TUBGCP3: variants seen among roughly 807,000 people sequenced by gnomAD.
The protein encoded by TUBGCP3 is tubulin gamma complex component 3.
Under a neutral mutation model 123.1 loss-of-function variants are expected in TUBGCP3, and 50 were observed. The observed-to-expected ratio is 0.41, with a 90% CI of 0.32 to 0.51. The LOEUF (loss-of-function observed/expected upper bound fraction) is 0.51. TUBGCP3 is among the 20% of genes least tolerant of loss of function. The probability of loss-of-function intolerance (pLI) is 0.36; values close to 1 mark genes in which losing one functional copy is unlikely to be tolerated. For missense variants in TUBGCP3, 882 were observed against 1,127.0 expected (o/e 0.78, Z 3.11); for synonymous variants, 405 against 413.9 (o/e 0.98, Z 0.26).
At chr13:112,494,962 G>A (rs774409785) in intron 20 of TUBGCP3, among the ~76,000 whole-genome samples, 2 of 152,246 alleles carry the variant, frequency 1.3e-5, no homozygotes, top group South Asian at 4.1e-4. Flanking sequence ...TATATATTCT[G>A]GTTATCAATC....
intron 11 of TUBGCP3, among the ~76,000 whole-genome samples, chr13:112,529,550 G>C (rs1391458801): frequency 2.6e-5 from 4 of 152,094 alleles, no homozygotes; most frequent in African/African-American, 9.7e-5. Flanking sequence ...ATGTGGGGAG[G>C]GGGAGCCTCT....
upstream of TUBGCP3, among the ~76,000 whole-genome samples, chr13:112,589,519 G>T (rs533944083): frequency 6.6e-6 from 1 of 152,372 alleles, no homozygotes; most frequent in East Asian, 1.9e-4. Context: ...GCATTAATTA[G>T]AGCCTGTCAG....
rs117253847 is a variant in TUBGCP3 at position 112,555,443 on chromosome 13, G to A, written c.722-438C>T. On this transcript the variant is annotated intron_variant, in intron 6 of 21. Coordinates refer to ENST00000261965, the MANE Select transcript of TUBGCP3 (RefSeq NM_006322.6). ...TAATCAGCAGATTACGAGCCAACAG[G>A]GAAACCCAATCCTCTGTTTTCAGGA... 4.7e-4 allele frequency among the ~76,000 whole-genome samples: 72 copies of A among 152,280 alleles called. No homozygotes were observed. In the East Asian group the frequency reaches 0.01, roughly 22 times the overall value.
chr13:112,547,636 T>C lies in TUBGCP3; in HGVS notation c.1152A>G (p.Leu384=). 1 of 1,553,816 alleles carries C rather than the reference T, an allele frequency of 6.4e-7. No individual in the cohort carries two copies. The highest frequency in any genetic ancestry group is 8.7e-7 in the Non-Finnish European group (1 of 1,146,254). Residue 384 remains leucine, a synonymous_variant, in exon 10 of 22, where the codon CTA becomes CTG. Transcript: ENST00000261965. The part of the protein sequence containing the change: ...PKIRLKTLAA[L]VDHCQGRKGG... Reference sequence around the variant, plus strand: ...GCGTGGGACCTTGGCAGTGGTCCACTAGGGCCGCAAGGGTCTTCAGTCGTA... The same window carrying C: ...GCGTGGGACCTTGGCAGTGGTCCACCAGGGCCGCAAGGGTCTTCAGTCGTA...
chr13:112,554,785 G>T (rs368160252), intron 7 of TUBGCP3, 102 bp downstream of exon 7: 22 of 783,424 alleles, frequency 2.8e-5, no homozygotes, highest in African/African-American at 1.0e-4. Context: ...CAACCGATTC[G>T]CAAAACCCCA....
Position 112,511,281 on chromosome 13 carries a change from T to A in TUBGCP3, c.2086+5159A>T, listed in dbSNP as rs1185614861. 6.6e-6 allele frequency among the ~76,000 whole-genome samples: 1 copy of A among 152,208 alleles called. No homozygotes were observed. The highest frequency in any genetic ancestry group is 1.5e-5 in the Non-Finnish European group (1 of 68,032). On this transcript the variant is annotated intron_variant, in intron 17 of 21. Transcript: ENST00000261965. This position sits in a 1 kb window ranked among gnomAD's most constrained non-coding sequence, Gnocchi z 4.1. ...CTGGCCCGCGGGCACCTGCCTTTCC[T>A]GGTAAGATAAAATCTGCGGTGCTGC...
chr13:112,500,199 G>A (rs1292609682), intron 19 of TUBGCP3, among the ~76,000 whole-genome samples: 1 of 152,204 alleles, frequency 6.6e-6, no homozygotes, highest in African/African-American at 2.4e-5. Context: ...AATTTCAATA[G>A]TGCAGAAGAA....
chr13:112,528,935 T>C (rs1351662338), intron 11 of TUBGCP3, among the ~76,000 whole-genome samples: 1 of 152,150 alleles, frequency 6.6e-6, no homozygotes, highest in Non-Finnish European at 1.5e-5. Context: ...CACTGCAACG[T>C]CTGCCTCCCC....
At chr13:112,503,619 C>T (rs1444892422) in intron 19 of TUBGCP3, among the ~76,000 whole-genome samples, 1 of 152,168 alleles carries the variant, frequency 6.6e-6, no homozygotes, top group Admixed American at 6.5e-5. Flanking sequence ...CCACCCGCCT[C>T]GGCCTCCCAA....
At chr13:112,488,751 C>G (rs1203688530) in intron 21 of TUBGCP3, among the ~76,000 whole-genome samples, 1 of 139,944 alleles carries the variant, frequency 7.1e-6, no homozygotes, top group Non-Finnish European at 1.6e-5. Flanking sequence ...CCACACCCAC[C>G]ACAGGGGAGC....
intron 17 of TUBGCP3, among the ~76,000 whole-genome samples, chr13:112,516,068 G>A (rs886983945): frequency 2.6e-5 from 4 of 151,960 alleles, no homozygotes; most frequent in Admixed American, 2.6e-4. Context: ...TTGACTATCT[G>A]ATACCTAAGA....
At chr13:112,549,518 G>T (rs953904389) in intron 8 of TUBGCP3, among the ~76,000 whole-genome samples, 3 of 152,018 alleles carry the variant, frequency 2.0e-5, no homozygotes, top group Admixed American at 6.6e-5. Context: ...AATTAAAAAA[G>T]ATTATATCCC....
chr13:112,559,965 T>C (rs1022746476), intron 3 of TUBGCP3, among the ~76,000 whole-genome samples: 5 of 151,666 alleles, frequency 3.3e-5, no homozygotes, highest in African/African-American at 9.7e-5. Flanking sequence ...CGAAACCCCA[T>C]CTCTACTAAA....
Position 112,560,386 on chromosome 13 carries a change from C to T in TUBGCP3, c.253-987G>A, listed in dbSNP as rs1054253209. ...CGGAGCTTGCAGTGAGCCGAGATCC[C>T]GCCACTGCACTCCAGCCTGGGCGAC... is the stretch of plus-strand genomic sequence containing the variant. On this transcript the variant is annotated intron_variant, in intron 3 of 21. Transcript: ENST00000261965. 6.3e-3 allele frequency among the ~76,000 whole-genome samples: 947 copies of T among 150,760 alleles called. 9 individuals carry two copies. The highest frequency in any genetic ancestry group is 0.022 in the African/African-American group (887 of 41,024).
At chr13:112,575,289 C>G (rs116673139) in intron 1 of TUBGCP3, among the ~76,000 whole-genome samples, 127 of 152,268 alleles carry the variant, frequency 8.3e-4, no homozygotes, top group African/African-American at 3.0e-3. Context: ...AAACACTATT[C>G]AAAGAACGTG....
chr13:112,536,855 T>C (rs1215374625), intron 11 of TUBGCP3, among the ~76,000 whole-genome samples: 1 of 152,132 alleles, frequency 6.6e-6, no homozygotes, highest in African/African-American at 2.4e-5. Flanking sequence ...CACTGCAGCC[T>C]CAACCTCTTG....
chr13:112,557,558 T>C (rs532158468), intron 5 of TUBGCP3, among the ~76,000 whole-genome samples: 1 of 152,380 alleles, frequency 6.6e-6, no homozygotes, highest in East Asian at 1.9e-4. Context: ...CCCGTTTATC[T>C]ACATATAGGA....
chr13:112,499,267 A>G lies in TUBGCP3; in HGVS notation c.2308-82T>C, dbSNP rs552305911. The G allele has an allele frequency of 1.4e-5, 20 of 1,475,560 alleles. No individual in the cohort carries two copies. The African/African-American group carries it at 2.8e-4, about 21-fold the overall frequency. 91.4% of individuals were successfully genotyped at this position (1,475,560 alleles called of 1,614,324 possible). On this transcript the variant is annotated intron_variant, in intron 19 of 21. Transcript: ENST00000261965. ...CAAAACATTGATATTTAGTGAAAAG[A>G]TATTAGAAAACAAGATATCAACTGA...
chr13:112,522,589 C>T, intron 13 of TUBGCP3, 80 bp from the exon 14 acceptor site: 1 of 1,429,818 alleles, frequency 7.0e-7, no homozygotes, highest in Non-Finnish European at 9.6e-7. Context: ...CACATACATC[C>T]AGACTCAGGG....
Sources: gnomAD v4.1 joint callset for allele counts (sites outside exome capture counted in the v4.1 genomes callset) on GRCh38, gnomAD v4.1.1 for gene constraint, Gnocchi (gnomAD v3.1) non-coding constraint, MANE v1.5 for transcripts, NCBI Gene and HGNC (gene_info 2026-07-23, HGNC 2026-07-21) for gene names.